WIPF1: variants seen among roughly 807,000 people sequenced by gnomAD.
WIPF1 encodes WAS/WASL-interacting protein family member 1.
A neutral mutation model predicts 35.4 loss-of-function variants in WIPF1; 13 were observed. The ratio of observed to expected loss-of-function variants is 0.37; its 90% CI spans 0.24 to 0.58. The LOEUF (loss-of-function observed/expected upper bound fraction) is 0.58. Ranked by LOEUF, WIPF1 falls within the 20% of genes least tolerant of loss-of-function variation. The probability of loss-of-function intolerance (pLI) is 0.74; values close to 1 mark genes in which losing one functional copy is unlikely to be tolerated. For missense variants in WIPF1, 591 were observed against 667.0 expected, an observed-to-expected ratio of 0.89 and a Z score of 1.25; for synonymous variants, 267 against 266.3, an observed-to-expected ratio of 1.00 and a Z score of -0.02.
chr2:174,564,705 G>A (rs1032470992), intron 7 of WIPF1, among the ~76,000 whole-genome samples: 1 of 151,868 alleles, frequency 6.6e-6, no homozygotes, highest in Non-Finnish European at 1.5e-5. Flanking sequence ...TAATAAGTTA[G>A]GAAAAATATT....
rs867870550 is a variant in WIPF1, at chr2:174,586,389, A to C, written c.-38-778T>G. Among the ~76,000 whole-genome samples, 4 of 152,174 alleles carry C rather than the reference A, an allele frequency of 2.6e-5. No individual in the cohort carries two copies. The South Asian group carries it at 8.3e-4, about 32-fold the overall frequency. ...CTGTCTTAGCTTTGTTTGGGTAAAA[A>C]ATTATATATAAATAAAATAAAAAAG... On this transcript the variant is annotated intron_variant, in intron 1 of 7. Transcript: ENST00000679041.
intron 7 of WIPF1, among the ~76,000 whole-genome samples, chr2:174,565,959 G>T (rs556628917): frequency 6.6e-6 from 1 of 151,978 alleles, no homozygotes; most frequent in Admixed American, 6.6e-5. Flanking sequence ...TCTCAGCTCA[G>T]TGCAACCTCT....
intron 1 of WIPF1, among the ~76,000 whole-genome samples, chr2:174,646,944 T>C (rs1012442627): frequency 1.3e-5 from 2 of 152,138 alleles, no homozygotes; most frequent in African/African-American, 2.4e-5. Flanking sequence ...GTGTTTTGCA[T>C]GCAGGAAATA....
At chr2:174,598,740 T>C (rs1205985125), upstream of WIPF1, among the ~76,000 whole-genome samples, 1 of 152,148 alleles carries the variant, frequency 6.6e-6, no homozygotes, top group African/African-American at 2.4e-5. Flanking sequence ...CTTAATGGGA[T>C]AACAGTAACT....
intron 1 of WIPF1, among the ~76,000 whole-genome samples, chr2:174,678,985 G>T (rs565290654): frequency 2.6e-5 from 4 of 152,292 alleles, no homozygotes; most frequent in African/African-American, 9.6e-5. Flanking sequence ...TACCTATGGA[G>T]AAAGGAATGC....
upstream of WIPF1, among the ~76,000 whole-genome samples, chr2:174,600,644 T>A (rs1175972109): frequency 6.6e-6 from 1 of 152,254 alleles, no homozygotes; most frequent in African/African-American, 2.4e-5. Flanking sequence ...ATGACCCATT[T>A]CTGCTGTTTT....
intron 4 of WIPF1, 30 bp downstream of exon 4, chr2:174,575,174 G>A (rs1685004898): frequency 1.3e-6 from 2 of 1,582,874 alleles, no homozygotes; most frequent in Non-Finnish European, 1.7e-6. Flanking sequence ...CTTGTCTTCA[G>A]TCACTCAGAG....
At chr2:174,651,395 T>C (rs1687530096) in intron 1 of WIPF1, among the ~76,000 whole-genome samples, 1 of 152,224 alleles carries the variant, frequency 6.6e-6, no homozygotes, top group South Asian at 2.1e-4. Flanking sequence ...CCGAGCAAAG[T>C]TGTTGTTTCT....
chr2:174,672,681 G>A (rs143832654), intron 1 of WIPF1, among the ~76,000 whole-genome samples: 532 of 152,308 alleles, frequency 3.5e-3, no homozygotes, highest in Non-Finnish European at 6.2e-3. Context: ...ACCTTACGTG[G>A]AGATGTTAAT....
chr2:174,604,237 T>C (rs543134325), intron 1 of WIPF1, among the ~76,000 whole-genome samples: 1 of 152,230 alleles, frequency 6.6e-6, no homozygotes, highest in East Asian at 1.9e-4. Flanking sequence ...AATCTTTTGA[T>C]GAGATCAATA....
rs1687152691 is a variant in WIPF1 at position 174,635,339 on chromosome 2, G to A, written c.-39+47435C>T. On this transcript the variant is annotated intron_variant, in intron 1 of 8. Transcript: ENST00000272746. Reference sequence around the variant, plus strand: ...TCCTCCAGGATGGTGCTGGGTTCCTGGCAGCGTGTGAGTCCTGGCCATGGG... The same window carrying A: ...TCCTCCAGGATGGTGCTGGGTTCCTAGCAGCGTGTGAGTCCTGGCCATGGG... 2.6e-5 allele frequency among the ~76,000 whole-genome samples: 4 copies of A among 152,180 alleles called. No individual in the cohort carries two copies. In the South Asian group the frequency reaches 8.3e-4, roughly 32 times the overall value.
upstream of WIPF1, among the ~76,000 whole-genome samples, chr2:174,601,336 C>T (rs888652832): frequency 6.6e-6 from 1 of 152,150 alleles, no homozygotes; most frequent in African/African-American, 2.4e-5. Context: ...GGAAATTTTC[C>T]AGAGAAAAGG....
At chr2:174,670,424 C>A (rs1398242172) in intron 1 of WIPF1, among the ~76,000 whole-genome samples, 2 of 152,226 alleles carry the variant, frequency 1.3e-5, no homozygotes, top group Admixed American at 1.3e-4. Flanking sequence ...CTTGTCACAA[C>A]CCTATCTACA....
chr2:174,673,610 C>T (rs1688066282), intron 1 of WIPF1: 1 of 152,248 alleles, frequency 6.6e-6, no homozygotes, highest in East Asian at 1.9e-4. Flanking sequence ...CATTTGCCTG[C>T]CTGGTCTGTG....
At chr2:174,669,639 T>C (rs1687965031) in intron 1 of WIPF1, among the ~76,000 whole-genome samples, 1 of 152,180 alleles carries the variant, frequency 6.6e-6, no homozygotes, top group South Asian at 2.1e-4. Context: ...CCCAGCTACT[T>C]GGGAGGCTGA....
chr2:174,589,632 A>G (rs1382049882), intron 1 of WIPF1, among the ~76,000 whole-genome samples: 12 of 74,180 alleles, frequency 1.6e-4, no homozygotes, highest in South Asian at 4.4e-4. Flanking sequence ...AACTTGTATG[A>G]AAAAAAAGTA....
intron 1 of WIPF1, among the ~76,000 whole-genome samples, chr2:174,649,913 T>C (rs1455411133): frequency 6.6e-6 from 1 of 152,214 alleles, no homozygotes; most frequent in East Asian, 1.9e-4. Context: ...TATCTCCACA[T>C]GGTTCCTCCA....
chr2:174,643,600 C>T (rs929680642), intron 1 of WIPF1, among the ~76,000 whole-genome samples: 8 of 144,208 alleles, frequency 5.5e-5, no homozygotes, highest in South Asian at 2.1e-4. Flanking sequence ...TTAGTAGAGC[C>T]GGGTTTTGCA....
At chr2:174,660,038 A>G (rs1687724752) in intron 1 of WIPF1, among the ~76,000 whole-genome samples, 1 of 152,208 alleles carries the variant, frequency 6.6e-6, no homozygotes, top group South Asian at 2.1e-4. Flanking sequence ...TTCTGGGAGA[A>G]ACAGAGAGAT....
Sources: gnomAD v4.1 joint callset for allele counts (sites outside exome capture counted in the v4.1 genomes callset) on GRCh38, gnomAD v4.1.1 for gene constraint, MANE v1.5 for transcripts, NCBI Gene and HGNC (gene_info 2026-07-23, HGNC 2026-07-21) for gene names.